The following NOTCH2 variants were observed in gnomAD, a reference collection of about 807,000 sequenced individuals.
The protein encoded by NOTCH2 is notch receptor 2.
Under a neutral mutation model 235.8 loss-of-function variants are expected in NOTCH2, and 29 were observed. The observed-to-expected ratio is 0.12, with a 90% CI of 0.09 to 0.17. NOTCH2 has a LOEUF of 0.17. Among genes scored for constraint, NOTCH2 ranks in the 10% least tolerant of loss-of-function variants. The probability of loss-of-function intolerance (pLI) is 1.00; values close to 1 mark genes in which losing one functional copy is unlikely to be tolerated. For synonymous variants in NOTCH2, 1,086 were observed against 1,141.5 expected (o/e 0.95, Z 0.98); for missense variants, 2,285 against 3,150.2 (o/e 0.73, Z 6.57).
At position 120,063,516 on chromosome 1, in the gene NOTCH2, T is replaced by C. The variant is rs2799233; in HGVS notation, c.73+5818A>G. On this transcript the variant is annotated intron_variant, in intron 1 of 33. Coordinates refer to ENST00000256646, the MANE Select transcript of NOTCH2 (RefSeq NM_024408.4). ...AAGTCATACAACACAAACAGAAGTC[T>C]GAAAATGCTGGATTTCGCAAATTTC... 2.6e-5 allele frequency among the ~76,000 whole-genome samples: 4 copies of C among 152,204 alleles called. No homozygotes were observed. In the South Asian group the frequency reaches 6.2e-4, roughly 24 times the overall value.
At chr1:119,929,762 G>A (rs1301115216) in intron 22 of NOTCH2, among the ~76,000 whole-genome samples, 2 of 152,162 alleles carry the variant, frequency 1.3e-5, no homozygotes, top group African/African-American at 4.8e-5. Flanking sequence ...TGTAGCTTAG[G>A]TGTACAGTAT....
intron 12 of NOTCH2, among the ~76,000 whole-genome samples, chr1:119,958,339 C>A (rs1650790875): frequency 1.3e-5 from 2 of 152,138 alleles, no homozygotes. Flanking sequence ...TTTCTAATGT[C>A]CACAATCATA....
chr1:120,042,956 G>A (rs587606533), intron 1 of NOTCH2, among the ~76,000 whole-genome samples: 4 of 148,774 alleles, frequency 2.7e-5, no homozygotes, highest in African/African-American at 1.0e-4. Context: ...TTACTCTCAA[G>A]GAGTAACTCT....
At chr1:119,952,392 T>C (rs148413028) in intron 14 of NOTCH2, among the ~76,000 whole-genome samples, 9 of 152,200 alleles carry the variant, frequency 5.9e-5, no homozygotes, top group African/African-American at 2.2e-4. Flanking sequence ...CACTGTAATA[T>C]ACAATGAAGT....
rs1648949826 is a variant in NOTCH2, at chr1:119,913,222, A to T, written c.*2084T>A. 4.3e-6 allele frequency: 1 copy of T among 233,344 alleles called. No individual in the cohort carries two copies. The highest frequency in any genetic ancestry group is 1.8e-4 in the South Asian group (1 of 5,534). The allele number at this position is 233,344 out of a possible 1,614,324, so 14.5% of individuals were successfully genotyped here. A position where few individuals can be genotyped will look rare whatever the true frequency, so the allele number is the denominator to read the frequency against. The stretch of plus-strand genomic sequence containing the variant: ...GCCACATGGAGAGAATAAAGCAGAG[A>T]ATGAACAAACTTAATCTGCTTATCT... On this transcript the variant is annotated 3_prime_UTR_variant, in exon 34 of 34. Transcript: ENST00000256646.
At position 120,029,244 on chromosome 1, in the gene NOTCH2, T is replaced by C. The variant is rs1271243720; in HGVS notation, c.155+662A>G. On this transcript the variant is annotated intron_variant, in intron 2 of 33. Coordinates refer to ENST00000256646, the MANE Select transcript of NOTCH2 (RefSeq NM_024408.4). ...GCCGAATATTAAAGTTGATATCTAT[T>C]TGGTTTTACTTAAAAACAAGATAAT... 1.3e-4 allele frequency among the ~76,000 whole-genome samples: 19 copies of C among 150,842 alleles called. 2 individuals carry two copies. Among genetic ancestry groups the C allele is most frequent in the Middle Eastern group, 6.9e-3 (2 of 288 alleles).
chr1:119,917,609 C>T, intron 33 of NOTCH2, 56 bp downstream of exon 33: 1 of 1,119,742 alleles, frequency 8.9e-7, no homozygotes, highest in Non-Finnish European at 1.4e-6. Flanking sequence ...CGGGAATGGG[C>T]TTATAACTGA....
intron 5 of NOTCH2, among the ~76,000 whole-genome samples, chr1:119,984,181 T>A (rs587671101): frequency 1.3e-5 from 2 of 152,124 alleles, no homozygotes; most frequent in East Asian, 3.8e-4. Context: ...GGAAAACACA[T>A]GGAGTAAATC....
chr1:119,987,019 C>T lies in NOTCH2; in HGVS notation c.815G>A (p.Gly272Glu), dbSNP rs1557834076. The T allele has an allele frequency of 6.2e-7, 1 of 1,613,788 alleles. No homozygotes were observed. The highest frequency in any genetic ancestry group is 1.7e-5 in the Admixed American group (1 of 59,992). Reference protein sequence around the residue: ...DDCPNHRCQNGGVCVDGVNTY... With the variant: ...DDCPNHRCQNEGVCVDGVNTY... ...GTTGACCCCATCCACACAAACCCCT[C>T]CATTCTGACACCTGTGGTTAGGGCA... is the stretch of plus-strand genomic sequence containing the variant. The change falls in exon 5 of 34, where the codon GGA becomes GAA. Residue 272 changes from glycine to glutamate, a missense_variant. Around this residue, in one of 6 missense-constraint regions of NOTCH2, gnomAD observed 431 missense variants for 757.8 expected, o/e 0.57. Transcript: ENST00000256646.
intron 17 of NOTCH2, among the ~76,000 whole-genome samples, chr1:119,947,910 T>A (rs1293447728): frequency 6.6e-6 from 1 of 152,220 alleles, no homozygotes; most frequent in Non-Finnish European, 1.5e-5. Context: ...TAACTGCATT[T>A]ATATAAAATG....
Position 120,069,655 on chromosome 1 carries a change from A to C in NOTCH2, c.-249T>G. 3.0e-6 allele frequency: 4 copies of C among 1,341,192 alleles called. No individual in the cohort carries two copies. Among genetic ancestry groups the C allele is most frequent in the Non-Finnish European group, 3.8e-6 (4 of 1,048,304 alleles). The allele number at this position is 1,341,192 out of a possible 1,614,324, so 83.1% of individuals were successfully genotyped here. On this transcript the variant is annotated 5_prime_UTR_variant, in exon 1 of 34. Transcript: ENST00000256646. ...TGAAACTTTCTCGGGTGTGCAACGA[A>C]GCAGCCTCGTGTGTCCTTCCGCCTC... is the stretch of plus-strand genomic sequence containing the variant.
intron 15 of NOTCH2, 49 bp from the exon 16 acceptor site, chr1:119,949,175 G>T (rs374826343): frequency 1.2e-6 from 2 of 1,609,650 alleles, no homozygotes; most frequent in Non-Finnish European, 1.7e-6. Flanking sequence ...GTAAGAAAAC[G>T]AAAATTTTCC....
chr1:119,949,198 T>A, intron 15 of NOTCH2, 72 bp from the exon 16 acceptor site: 1 of 1,527,288 alleles, frequency 6.5e-7, no homozygotes, highest in Admixed American at 1.7e-5. Context: ...ATCCCAAGGA[T>A]GTTCTCTGAA....
At chr1:119,920,984 AC>A (rs1368497544) in intron 29 of NOTCH2, among the ~76,000 whole-genome samples, 1 of 152,262 alleles carries the variant, frequency 6.6e-6, no homozygotes, top group African/African-American at 2.4e-5. Flanking sequence ...TAGATAAGGC[AC>A]ATATGCCAAC....
Position 119,915,150 on chromosome 1 carries a change from G to T in NOTCH2, c.*156C>A. 1.3e-6 allele frequency: 1 copy of T among 764,438 alleles called. No homozygotes were observed. The highest frequency in any genetic ancestry group is 2.6e-5 in the East Asian group (1 of 38,414). The allele number at this position is 764,438 out of a possible 1,614,324, so 47.4% of individuals were successfully genotyped here. A position where few individuals can be genotyped will look rare whatever the true frequency, so the allele number is the denominator to read the frequency against. On this transcript the variant is annotated 3_prime_UTR_variant, in exon 34 of 34. Transcript: ENST00000256646. The stretch of plus-strand genomic sequence containing the variant: ...AGATACCCAGTGAAACTGACGAATT[G>T]CTTCTCTTGCATTATCTGAATAAGA...
chr1:119,976,448 G>A (rs1553200962), intron 5 of NOTCH2: 1 of 151,156 alleles, frequency 6.6e-6, no homozygotes, highest in African/African-American at 2.5e-5. Context: ...AGGATGGTCT[G>A]GGAGTATAGA....
At chr1:119,996,396 A>G in intron 4 of NOTCH2, 1 of 503,938 alleles carries the variant, frequency 2.0e-6, no homozygotes, top group South Asian at 2.1e-5. Context: ...TCACTGATTA[A>G]CAGAGGATCC....
At chr1:119,933,638 GA>G (rs1649741714) in intron 22 of NOTCH2, among the ~76,000 whole-genome samples, 5 of 152,152 alleles carry the variant, frequency 3.3e-5, no homozygotes, top group Admixed American at 3.3e-4. Flanking sequence ...TCAAAGTGCT[GA>G]AAGAAAAAGA....
rs764518778 is a variant in NOTCH2, at chr1:119,919,541, GCATCTT to G, written c.5546_5551del (p.Glu1849_Asp1850del). 15 of 1,614,140 alleles carry G rather than the reference GCATCTT, an allele frequency of 9.3e-6. No individual in the cohort carries two copies. The highest frequency in any genetic ancestry group is 6.7e-5 in the African/African-American group (5 of 75,062). The stretch of plus-strand genomic sequence containing the variant: ...GATGATGTTAGCAGAAGAGTCCTCT[GCATCTT>G]CATCTTCATCACTCAAATCTGAGCT... On this transcript the variant is annotated inframe_deletion, in exon 31 of 34. Transcript: ENST00000256646.
Sources: allele counts gnomAD v4.1 joint callset (sites outside exome capture counted in the v4.1 genomes callset), GRCh38; gene constraint gnomAD v4.1.1; regional missense constraint gnomAD v4.1.1; transcripts MANE v1.5; gene names NCBI Gene and HGNC (gene_info 2026-07-23, HGNC 2026-07-21).